The following LRPPRC variants were observed in gnomAD, a reference collection of about 807,000 sequenced individuals.
LRPPRC encodes leucine-rich PPR motif-containing protein, mitochondrial.
Under a neutral mutation model 180.3 loss-of-function variants are expected in LRPPRC, and 120 were observed. The ratio of observed to expected loss-of-function variants is 0.67; its 90% CI spans 0.57 to 0.77. The LOEUF is 0.77. Ranked by LOEUF, LRPPRC falls within the 30% of genes least tolerant of loss-of-function variation. LRPPRC has a pLI of 0.00. For synonymous variants in LRPPRC, 723 were observed against 600.0 expected (o/e 1.21, Z -3.00); for missense variants, 2,012 against 1,657.2 (o/e 1.21, Z -3.72).
intron 23 of LRPPRC, among the ~76,000 whole-genome samples, chr2:43,935,598 T>C (rs916404101): frequency 5.3e-5 from 8 of 152,204 alleles, no homozygotes; most frequent in Admixed American, 3.3e-4. Flanking sequence ...AAAAAGACAC[T>C]GTCATTAAAT....
chr2:43,895,300 A>G (rs1462701788), intron 35 of LRPPRC, among the ~76,000 whole-genome samples: 3 of 152,226 alleles, frequency 2.0e-5, no homozygotes, highest in Non-Finnish European at 4.4e-5. Flanking sequence ...AAGCAATGGA[A>G]CACTGTTAAC....
intron 1 of LRPPRC, among the ~76,000 whole-genome samples, chr2:43,991,642 G>A (rs898562729): frequency 6.6e-6 from 1 of 152,144 alleles, no homozygotes; most frequent in Non-Finnish European, 1.5e-5. Flanking sequence ...ACCTCAAAGA[G>A]AACAGAGTAA....
chr2:43,987,280 G>C (rs1238780771), intron 1 of LRPPRC, among the ~76,000 whole-genome samples: 1 of 152,010 alleles, frequency 6.6e-6, no homozygotes, highest in African/African-American at 2.4e-5. Flanking sequence ...CAGATCACGA[G>C]GTCAGGAGAT....
intron 11 of LRPPRC, among the ~76,000 whole-genome samples, chr2:43,972,201 A>T (rs1673849959): frequency 6.6e-6 from 1 of 152,174 alleles, no homozygotes; most frequent in African/African-American, 2.4e-5. Flanking sequence ...TCAGTCACTG[A>T]ATGTCTGTGT....
At chr2:43,945,202 T>A (rs1672633788) in intron 22 of LRPPRC, 130 bp downstream of exon 22, 1 of 696,784 alleles carries the variant, frequency 1.4e-6, no homozygotes, top group African/African-American at 1.8e-5. Flanking sequence ...TCTGGTTGGA[T>A]TCACATGCAA....
At chr2:43,889,019 C>T (rs1670378010) in intron 37 of LRPPRC, among the ~76,000 whole-genome samples, 1 of 152,132 alleles carries the variant, frequency 6.6e-6, no homozygotes, top group Non-Finnish European at 1.5e-5. Context: ...TGTGATTTCT[C>T]TTATTAAAGA....
intron 5 of LRPPRC, among the ~76,000 whole-genome samples, chr2:43,976,488 A>G (rs1674061608): frequency 6.6e-6 from 1 of 152,116 alleles, no homozygotes; most frequent in African/African-American, 2.4e-5. Flanking sequence ...TTTGTCTTAC[A>G]CTACTAATTA....
chr2:43,929,546 G>A (rs1470626685), intron 25 of LRPPRC, among the ~76,000 whole-genome samples: 1 of 152,042 alleles, frequency 6.6e-6, no homozygotes, highest in Non-Finnish European at 1.5e-5. Context: ...TCTAGGCTAT[G>A]CAGTTCATCT....
chr2:43,968,812 C>T (rs530647061), intron 11 of LRPPRC, among the ~76,000 whole-genome samples: 1 of 152,146 alleles, frequency 6.6e-6, no homozygotes, highest in Admixed American at 6.5e-5. Context: ...ATGGTGGCTA[C>T]TATTAGTAAT....
At chr2:43,995,355 C>A (rs1387982022) in intron 1 of LRPPRC, among the ~76,000 whole-genome samples, 1 of 152,226 alleles carries the variant, frequency 6.6e-6, no homozygotes, top group African/African-American at 2.4e-5. Flanking sequence ...CTCCTCGCCG[C>A]CCCATCCCTC....
Position 43,949,639 on chromosome 2 carries a change from C to T in LRPPRC, c.1698G>A (p.Lys566=), listed in dbSNP as rs148891444. Residue 566 remains lysine (K), a synonymous_variant, in exon 16 of 38, where the codon AAG becomes AAA. Coordinates refer to ENST00000260665, the MANE Select transcript of LRPPRC (RefSeq NM_133259.4). ...GAGGCTCCTGGCAATAACGTCCATC[C>T]TTGTACAACAATTCTGTTATCTGGT... ...LWSEITELLY[K]DGRYCQEPRG... 1.1e-5 allele frequency: 18 copies of T among 1,613,904 alleles called. No individual in the cohort carries two copies. Among genetic ancestry groups the T allele is most frequent in the Non-Finnish European group, 1.4e-5 (17 of 1,179,838 alleles).
intron 11 of LRPPRC, among the ~76,000 whole-genome samples, chr2:43,969,107 A>G (rs994549884): frequency 6.6e-6 from 1 of 152,222 alleles, no homozygotes; most frequent in Non-Finnish European, 1.5e-5. Flanking sequence ...CACAAGCATA[A>G]CTTGAGTAAG....
chr2:43,984,012 T>C (rs986179481), intron 1 of LRPPRC, among the ~76,000 whole-genome samples: 3 of 152,166 alleles, frequency 2.0e-5, no homozygotes, highest in Non-Finnish European at 4.4e-5. Context: ...ACATTGTAGA[T>C]GGCTAATTGA....
At chr2:43,890,404 A>G in intron 36 of LRPPRC, 1 of 466,558 alleles carries the variant, frequency 2.1e-6, no homozygotes, top group Non-Finnish European at 4.4e-6. Context: ...AGTTAGCTAC[A>G]ATGATACACA....
chr2:43,912,335 A>T, intron 30 of LRPPRC, 97 bp downstream of exon 30: 1 of 1,129,558 alleles, frequency 8.9e-7, no homozygotes, highest in Non-Finnish European at 1.3e-6. Context: ...CCAATCAAGC[A>T]ATTTTACTAC....
At chr2:43,939,354 T>A (rs1348591833) in intron 23 of LRPPRC, among the ~76,000 whole-genome samples, 1 of 152,074 alleles carries the variant, frequency 6.6e-6, no homozygotes, top group Non-Finnish European at 1.5e-5. Context: ...ATTGATTTTT[T>A]TTATTTGGAA....
intron 25 of LRPPRC, among the ~76,000 whole-genome samples, chr2:43,928,554 A>G (rs1367398958): frequency 1.3e-5 from 2 of 152,030 alleles, no homozygotes; most frequent in Non-Finnish European, 2.9e-5. Context: ...TAGTAGGAGG[A>G]AAAATCATGT....
chr2:43,977,221 A>G lies in LRPPRC; in HGVS notation c.525T>C (p.Asn175=), dbSNP rs570349090. 150 of 1,602,796 alleles carry G rather than the reference A, an allele frequency of 9.4e-5. No homozygotes were observed. In the East Asian group the frequency reaches 3.3e-3, roughly 35 times the overall value. The part of the protein sequence containing the change: ...YNALLKVYLQ[N]EYKFSPTDFL... ...AATCAGTTGGTGAGAATTTATATTCATTTTGAAGATAGACTTTAAGTAAAG... is the reference window on the plus strand; with the variant it reads ...AATCAGTTGGTGAGAATTTATATTCGTTTTGAAGATAGACTTTAAGTAAAG... Residue 175 remains asparagine, a synonymous_variant, in exon 4 of 38, where the codon AAT becomes AAC. Coordinates refer to ENST00000260665, the MANE Select transcript of LRPPRC (RefSeq NM_133259.4).
At chr2:43,988,199 C>G (rs1674613198) in intron 1 of LRPPRC, among the ~76,000 whole-genome samples, 1 of 147,024 alleles carries the variant, frequency 6.8e-6, no homozygotes, top group South Asian at 2.1e-4. Context: ...CAAGATCGCC[C>G]CACTGCACTC....
Sources: gnomAD v4.1 joint callset for allele counts (sites outside exome capture counted in the v4.1 genomes callset) on GRCh38, gnomAD v4.1.1 for gene constraint, MANE v1.5 for transcripts, NCBI Gene and HGNC (gene_info 2026-07-23, HGNC 2026-07-21) for gene names.